Variants in CSMD1 observed in about 807,000 individuals in gnomAD.
The protein encoded by CSMD1 is CUB and sushi domain-containing protein 1.
In CSMD1, 213 loss-of-function variants were observed where a neutral mutation model predicts 417.5. The observed-to-expected ratio is 0.51, with a 90% CI of 0.46 to 0.57. CSMD1 has a LOEUF of 0.57. CSMD1 is among the 20% of genes least tolerant of loss of function. The pLI, the probability that CSMD1 is intolerant of heterozygous loss-of-function variation, is 0.00. For missense variants in CSMD1, 6,923 were observed against 4,529.7 expected, an observed-to-expected ratio of 1.53 and a Z score of -15.17; for synonymous variants, 2,862 against 1,736.8, an observed-to-expected ratio of 1.65 and a Z score of -16.11.
intron 12 of CSMD1, among the ~76,000 whole-genome samples, chr8:3,419,692 G>A (rs141763074): frequency 4.3e-4 from 65 of 152,186 alleles, no homozygotes; most frequent in African/African-American, 1.3e-3. Context: ...GATTACTTTC[G>A]TCACCTACAA....
chr8:3,278,816 C>A (rs1343381954), intron 26 of CSMD1: 1 of 152,082 alleles, frequency 6.6e-6, no homozygotes, highest in Non-Finnish European at 1.5e-5. Context: ...TGGAAAGACA[C>A]CAGCTTGATT....
At chr8:4,077,220 G>T (rs1799864915) in intron 3 of CSMD1, among the ~76,000 whole-genome samples, 1 of 148,624 alleles carries the variant, frequency 6.7e-6, no homozygotes, top group Non-Finnish European at 1.5e-5. Context: ...AGAGCTCTGT[G>T]AATTTCAGCT....
intron 10 of CSMD1, among the ~76,000 whole-genome samples, chr8:3,509,882 G>C (rs1179052676): frequency 6.6e-6 from 1 of 152,148 alleles, no homozygotes; most frequent in African/African-American, 2.4e-5. Flanking sequence ...CCATGGTAAA[G>C]GGGAACTCAT....
intron 2 of CSMD1, among the ~76,000 whole-genome samples, chr8:4,456,460 A>G (rs1052269109): frequency 6.6e-6 from 1 of 152,208 alleles, no homozygotes; most frequent in African/African-American, 2.4e-5. Context: ...TTCTTAACGA[A>G]AATCACCAAC....
chr8:4,082,390 A>G (rs554623014), intron 3 of CSMD1, among the ~76,000 whole-genome samples: 147 of 152,340 alleles, frequency 9.6e-4, no homozygotes, highest in Admixed American at 4.1e-3. Context: ...CCGAGCATTT[A>G]AAAACAACTA....
intron 3 of CSMD1, among the ~76,000 whole-genome samples, chr8:4,331,215 C>A (rs776194640): frequency 6.6e-6 from 1 of 152,136 alleles, no homozygotes; most frequent in Non-Finnish European, 1.5e-5. Context: ...AAGATTACTG[C>A]CTCCCAGGTG....
At chr8:3,556,386 ATAAT>A (rs1408765298) in intron 10 of CSMD1, among the ~76,000 whole-genome samples, 1 of 54,818 alleles carries the variant, frequency 1.8e-5, no homozygotes, top group African/African-American at 7.5e-5. Flanking sequence ...AAAATTTATA[ATAAT>A]TAATATATAT....
At chr8:3,937,784 C>G (rs1011085011) in intron 5 of CSMD1, among the ~76,000 whole-genome samples, 1 of 152,040 alleles carries the variant, frequency 6.6e-6, no homozygotes, top group Non-Finnish European at 1.5e-5. Context: ...TCATGAGAGC[C>G]TCACATAGAA....
At chr8:4,036,922 C>A (rs552692980) in intron 3 of CSMD1, among the ~76,000 whole-genome samples, 16 of 151,932 alleles carry the variant, frequency 1.1e-4, no homozygotes, top group African/African-American at 3.6e-4. Flanking sequence ...GGCTCATTGG[C>A]ATGTGCCCTG....
intron 5 of CSMD1, among the ~76,000 whole-genome samples, chr8:3,908,088 C>A (rs1295422979): frequency 6.6e-6 from 1 of 152,096 alleles, no homozygotes; most frequent in South Asian, 2.1e-4. Flanking sequence ...AGGTCAAAGC[C>A]CTAATGTCTG....
chr8:4,133,291 A>G (rs745495743), intron 3 of CSMD1, among the ~76,000 whole-genome samples: 7 of 152,218 alleles, frequency 4.6e-5, no homozygotes, highest in Non-Finnish European at 8.8e-5. Flanking sequence ...GATTTGCTTA[A>G]AAGTCTAAGT....
At chr8:4,164,881 A>G (rs1485040337) in intron 3 of CSMD1, among the ~76,000 whole-genome samples, 2 of 52,258 alleles carry the variant, frequency 3.8e-5, no homozygotes, top group African/African-American at 2.0e-4. Context: ...CATCTCAAAG[A>G]AAAAAAAAAA....
intron 3 of CSMD1, among the ~76,000 whole-genome samples, chr8:4,297,827 T>A (rs1284305743): frequency 6.6e-6 from 1 of 152,230 alleles, no homozygotes; most frequent in Non-Finnish European, 1.5e-5. Context: ...ATTTGATTTC[T>A]GAATATGCCA....
intron 1 of CSMD1, among the ~76,000 whole-genome samples, chr8:4,891,799 G>C (rs1363875534): frequency 1.3e-5 from 2 of 152,060 alleles, no homozygotes; most frequent in Non-Finnish European, 2.9e-5. Flanking sequence ...AACCCATGTA[G>C]TCTAACTTAA....
chr8:3,985,829 A>G (rs541240962), intron 5 of CSMD1, among the ~76,000 whole-genome samples: 3 of 151,446 alleles, frequency 2.0e-5, no homozygotes, highest in East Asian at 3.9e-4. Context: ...GCATTCTTCA[A>G]TGCTGAGACT....
chr8:3,782,639 G>C (rs570036757), intron 5 of CSMD1, among the ~76,000 whole-genome samples: 2 of 152,276 alleles, frequency 1.3e-5, no homozygotes, highest in South Asian at 4.1e-4. Flanking sequence ...AGAACTTAAA[G>C]TGTAATTTAA....
At chr8:4,227,399 A>G (rs954782674) in intron 3 of CSMD1, among the ~76,000 whole-genome samples, 2 of 152,036 alleles carry the variant, frequency 1.3e-5, no homozygotes, top group Non-Finnish European at 2.9e-5. Flanking sequence ...ACTTATAAGA[A>G]CCCTGTTGTC....
intron 5 of CSMD1, among the ~76,000 whole-genome samples, chr8:3,775,002 G>T (rs372751701): frequency 1.3e-5 from 2 of 151,952 alleles, no homozygotes; most frequent in Non-Finnish European, 1.5e-5. Flanking sequence ...TCCCACTCCC[G>T]GCAGGACCAA....
chr8:4,361,006 A>G (rs73508632), intron 3 of CSMD1, among the ~76,000 whole-genome samples: 6,330 of 152,244 alleles, frequency 0.042, 327 homozygotes, highest in African/African-American at 0.12. Flanking sequence ...AAGACATTTT[A>G]AAATAAAATA....
Sources: allele counts gnomAD v4.1 joint callset (sites outside exome capture counted in the v4.1 genomes callset), GRCh38; gene constraint gnomAD v4.1.1; transcripts MANE v1.5; gene names NCBI Gene and HGNC (gene_info 2026-07-23, HGNC 2026-07-21).